The following BBS12 variants were observed in gnomAD, a reference collection of about 807,000 sequenced individuals.
BBS12 encodes the protein chaperonin-containing T-complex member BBS12.
BBS12 carries 5 observed loss-of-function variants against 5.6 expected under a neutral mutation model. That is an observed-to-expected ratio of 0.89 (90% CI 0.46 to 1.86). BBS12 has a LOEUF of 1.86. Ranked by LOEUF, BBS12 falls within the 40% of genes most tolerant of loss-of-function variation. The pLI is 0.01. For synonymous variants in BBS12, 308 were observed against 306.8 expected (o/e 1.00, Z -0.04); for missense variants, 748 against 830.4 (o/e 0.90, Z 1.22).
At chr4:122,713,123 AT>A in the BBS12 span, among the ~76,000 whole-genome samples, 2 of 152,172 alleles carry the variant, frequency 1.3e-5, no homozygotes, top group Non-Finnish European at 2.9e-5. Context: ...TTATTTATTA[AT>A]GAATATGGTT....
chr4:122,729,135 G>A (rs1800664850), upstream of BBS12: 1 of 152,742 alleles, frequency 6.5e-6, no homozygotes, highest in Non-Finnish European at 1.5e-5. Context: ...TGTGCTGAAG[G>A]ACCCCCATCC....
At chr4:122,721,607 C>T in the BBS12 span, among the ~76,000 whole-genome samples, 2 of 152,180 alleles carry the variant, frequency 1.3e-5, no homozygotes, top group African/African-American at 4.8e-5. Context: ...GACTCAAAGG[C>T]TTGCTAACTT....
the BBS12 span, among the ~76,000 whole-genome samples, chr4:122,701,419 G>A: frequency 1.1e-4 from 13 of 114,300 alleles, no homozygotes; most frequent in African/African-American, 3.5e-4. Flanking sequence ...CATAACTTAC[G>A]GATTCAAGGA....
intron 1 of BBS12, 103 bp from the exon 2 acceptor site, chr4:122,741,780 A>G (rs964267837): frequency 6.4e-6 from 6 of 941,222 alleles, no homozygotes; most frequent in South Asian, 4.5e-5. Flanking sequence ...TGGAAATTAT[A>G]TGTACCTCAA....
At chr4:122,709,117 G>T in the BBS12 span, among the ~76,000 whole-genome samples, 1 of 151,912 alleles carries the variant, frequency 6.6e-6, no homozygotes, top group Non-Finnish European at 1.5e-5. Context: ...CAACAAAAAC[G>T]TAACATAGGG....
the BBS12 span, among the ~76,000 whole-genome samples, chr4:122,710,006 T>C: frequency 3.5e-4 from 53 of 152,300 alleles, no homozygotes; most frequent in East Asian, 9.6e-3. Context: ...ACAGCTGCTA[T>C]GAAATAGAAA....
Position 122,741,879 on chromosome 4 carries a change from G to C in BBS12, c.-10-4G>C. On this transcript the variant is annotated splice_polypyrimidine_tract_variant and splice_region_variant and intron_variant, in intron 1 of 1. Transcript: ENST00000314218. ...AAAGTTACAAGTTTTTATTTTGTTT[G>C]CAGATCATGATACATGGTGATGGCT... The C allele has an allele frequency of 6.2e-7, 1 of 1,611,092 alleles. No individual in the cohort carries two copies. The highest frequency in any genetic ancestry group is 8.5e-7 in the Non-Finnish European group (1 of 1,177,582).
chr4:122,712,628 T>C, the BBS12 span, among the ~76,000 whole-genome samples: 1 of 152,100 alleles, frequency 6.6e-6, no homozygotes, highest in Non-Finnish European at 1.5e-5. Context: ...AAACGAAAAA[T>C]ACAGAAATCT....
the BBS12 span, among the ~76,000 whole-genome samples, chr4:122,719,567 C>T: frequency 3.1e-3 from 476 of 151,932 alleles, 2 homozygotes; most frequent in Non-Finnish European, 5.0e-3. Context: ...CAAACAACTC[C>T]GGACGCACCA....
the BBS12 span, among the ~76,000 whole-genome samples, chr4:122,707,665 C>T: frequency 6.6e-6 from 1 of 152,200 alleles, no homozygotes; most frequent in Non-Finnish European, 1.5e-5. Context: ...ATGGAAGCCT[C>T]CACCCCTAGC....
chr4:122,716,730 C>CAT, the BBS12 span, among the ~76,000 whole-genome samples: 1 of 61,714 alleles, frequency 1.6e-5, no homozygotes, highest in African/African-American at 6.2e-5. Context: ...TGTATATACA[C>CAT]ACACACGTGT....
the BBS12 span, among the ~76,000 whole-genome samples, chr4:122,707,054 C>CTCTTTTTTTTTTT: frequency 1.4e-5 from 1 of 72,250 alleles, no homozygotes; most frequent in Non-Finnish European, 2.4e-5. Flanking sequence ...CTCTCTCTCT[C>CTCTTTTTTTTTTT]TTTTTTTTTT....
chr4:122,711,253 G>A, the BBS12 span, among the ~76,000 whole-genome samples: 2 of 151,798 alleles, frequency 1.3e-5, no homozygotes, highest in East Asian at 3.9e-4. Context: ...GTAGAAATGA[G>A]AACACAAAAT....
chr4:122,741,065 CG>C (rs1472645415), intron 1 of BBS12, among the ~76,000 whole-genome samples: 2 of 152,162 alleles, frequency 1.3e-5, no homozygotes, highest in African/African-American at 4.8e-5. Flanking sequence ...AACATTTTAA[CG>C]GTTCCCATTA....
In BBS12 at chr4:122,742,463, G is replaced by T. The variant is rs994493028; in HGVS notation, c.571G>T (p.Gly191Trp). Reference sequence around the variant, plus strand: ...AACACTGACCATTTCCAACCTTTCTGGGAGACCTCTTAAATCATATGAATT... The same window carrying T: ...AACACTGACCATTTCCAACCTTTCTTGGAGACCTCTTAAATCATATGAATT... Reference protein sequence around the residue: ...SQTLTISNLSGRPLKSYELFK... With the variant: ...SQTLTISNLSWRPLKSYELFK... Residue 191 changes from glycine to tryptophan, a missense_variant, in exon 2 of 2, where the codon GGG becomes TGG. Gly to Trp is a radical substitution (Grantham distance 184, BLOSUM62 -2). Transcript: ENST00000314218. 2 of 1,614,092 alleles carry T rather than the reference G, an allele frequency of 1.2e-6. No individual in the cohort carries two copies. Among genetic ancestry groups the T allele is most frequent in the Non-Finnish European group, 1.7e-6 (2 of 1,180,012 alleles).
chr4:122,718,824 CTTTG>C, the BBS12 span, among the ~76,000 whole-genome samples: 2 of 151,924 alleles, frequency 1.3e-5, no homozygotes, highest in Non-Finnish European at 2.9e-5. Flanking sequence ...TTATTTTCTT[CTTTG>C]TTTGTTTTGA....
rs1800935891 is a variant in BBS12, at chr4:122,743,774, G to T, written c.1882G>T (p.Asp628Tyr). 1 of 1,614,172 alleles carries T rather than the reference G, an allele frequency of 6.2e-7. No homozygotes were observed. The highest frequency in any genetic ancestry group is 1.1e-5 in the South Asian group (1 of 91,076). ...TCAACATCATCTGCAAAATGCCACAGACTCTGGCTCTCCTTCATCTTACAT... is the reference window on the plus strand; with the variant it reads ...TCAACATCATCTGCAAAATGCCACATACTCTGGCTCTCCTTCATCTTACAT... The part of the protein sequence containing the change: ...YIQHHLQNAT[D>Y]SGSPSSYILN... The change falls in exon 2 of 2, where the codon GAC (aspartate) becomes TAC (tyrosine). Residue 628 changes from aspartate (D) to tyrosine (Y), a missense_variant. By Grantham distance (160) the Asp-to-Tyr change is radical. Transcript: ENST00000314218.
At chr4:122,737,496 T>C (rs1800800176) in intron 1 of BBS12, among the ~76,000 whole-genome samples, 1 of 152,242 alleles carries the variant, frequency 6.6e-6, no homozygotes, top group African/African-American at 2.4e-5. Flanking sequence ...CATGTTGTTG[T>C]GAATGAATAC....
chr4:122,730,724 T>G (rs1248200588), upstream of BBS12: 1 of 152,164 alleles, frequency 6.6e-6, no homozygotes, highest in Non-Finnish European at 1.5e-5. Context: ...TTATTTTAAA[T>G]GCATAAGTGC....
Sources: allele counts gnomAD v4.1 joint callset (sites outside exome capture counted in the v4.1 genomes callset), GRCh38; gene constraint gnomAD v4.1.1; transcripts MANE v1.5; gene names NCBI Gene and HGNC (gene_info 2026-07-23, HGNC 2026-07-21).